Variants in DNM3 observed in about 807,000 individuals in gnomAD.
DNM3 encodes the protein dynamin-3.
DNM3 carries 47 observed loss-of-function variants against 101.6 expected under a neutral mutation model. That is an observed-to-expected ratio of 0.46 (90% CI 0.37 to 0.59). The LOEUF (loss-of-function observed/expected upper bound fraction) is 0.59, where lower values mean the gene tolerates loss of function less well. Ranked by LOEUF, DNM3 falls within the 20% of genes least tolerant of loss-of-function variation. The pLI is 0.00. For missense variants in DNM3, 849 were observed against 1,085.7 expected (o/e 0.78, Z 3.06); for synonymous variants, 385 against 387.9 (o/e 0.99, Z 0.09).
At chr1:171,981,075 T>C (rs1051772156) in intron 2 of DNM3, among the ~76,000 whole-genome samples, 1 of 152,166 alleles carries the variant, frequency 6.6e-6, no homozygotes, top group Admixed American at 6.5e-5. Context: ...CCTACAGATG[T>C]TCTTTACTCT....
intron 17 of DNM3, among the ~76,000 whole-genome samples, chr1:172,345,087 C>T (rs186153288): frequency 4.4e-4 from 67 of 152,284 alleles, no homozygotes; most frequent in East Asian, 1.7e-3. Context: ...TTTCTCTAAA[C>T]TGGCATTCTT....
intron 10 of DNM3, among the ~76,000 whole-genome samples, chr1:172,065,069 T>C (rs2051545825): frequency 1.3e-5 from 2 of 152,176 alleles, no homozygotes; most frequent in Non-Finnish European, 2.9e-5. Flanking sequence ...GGCCAGTAGA[T>C]TGGAGGCATT....
At chr1:172,113,858 T>G (rs2055693012) in intron 13 of DNM3, among the ~76,000 whole-genome samples, 1 of 152,134 alleles carries the variant, frequency 6.6e-6, no homozygotes, top group Non-Finnish European at 1.5e-5. Context: ...TGAGTGTCTT[T>G]TCTTCTTAAA....
intron 14 of DNM3, among the ~76,000 whole-genome samples, chr1:172,164,847 A>G (rs976809685): frequency 6.6e-6 from 1 of 152,008 alleles, no homozygotes; most frequent in South Asian, 2.1e-4. Context: ...CCTTTTTCCT[A>G]AGGGCATCAG....
intron 17 of DNM3, among the ~76,000 whole-genome samples, chr1:172,347,250 G>A (rs12094097): frequency 6.6e-6 from 1 of 151,892 alleles, no homozygotes; most frequent in Non-Finnish European, 1.5e-5. Flanking sequence ...TTCGACCCAG[G>A]CCTTAACTCC....
intron 17 of DNM3, among the ~76,000 whole-genome samples, chr1:172,372,725 C>A (rs1049716714): frequency 1.5e-4 from 20 of 135,492 alleles, no homozygotes; most frequent in Non-Finnish European, 2.6e-4. Context: ...GCTTTGTCAC[C>A]CAGGCTGAAG....
At chr1:171,890,550 A>G (rs1029074454) in intron 1 of DNM3, among the ~76,000 whole-genome samples, 1 of 152,200 alleles carries the variant, frequency 6.6e-6, no homozygotes, top group African/African-American at 2.4e-5. Flanking sequence ...AAGTATTCAT[A>G]TAAAGTTTTA....
At chr1:172,237,625 T>C (rs1040175982) in intron 14 of DNM3, among the ~76,000 whole-genome samples, 1 of 152,148 alleles carries the variant, frequency 6.6e-6, no homozygotes, top group Non-Finnish European at 1.5e-5. Flanking sequence ...TCCTCTTGGA[T>C]TCTGAATGGA....
At chr1:172,354,792 CA>C (rs1176492978) in intron 17 of DNM3, among the ~76,000 whole-genome samples, 3 of 152,038 alleles carry the variant, frequency 2.0e-5, no homozygotes, top group Non-Finnish European at 4.4e-5. Context: ...TCACTGCACA[CA>C]AGAGCTTTGG....
At chr1:172,108,032 C>A (rs1159646748) in intron 13 of DNM3, among the ~76,000 whole-genome samples, 1 of 151,892 alleles carries the variant, frequency 6.6e-6, no homozygotes, top group Non-Finnish European at 1.5e-5. Flanking sequence ...GGTCTCCATT[C>A]TCACTCAGGA....
At chr1:172,003,969 C>A (rs1442665844) in intron 4 of DNM3, among the ~76,000 whole-genome samples, 3 of 151,930 alleles carry the variant, frequency 2.0e-5, no homozygotes, top group African/African-American at 7.3e-5. Flanking sequence ...TGTGTAATTC[C>A]CAAAACCACT....
intron 18 of DNM3, chr1:172,381,123 A>C (rs1243967688): frequency 6.6e-6 from 1 of 151,862 alleles, no homozygotes; most frequent in Non-Finnish European, 1.5e-5. Flanking sequence ...ATGCAGGGGT[A>C]GTTTCCCTCA....
intron 1 of DNM3, among the ~76,000 whole-genome samples, chr1:171,902,172 C>T (rs12072170): frequency 8.5e-4 from 129 of 152,310 alleles, no homozygotes; most frequent in African/African-American, 3.0e-3. Flanking sequence ...AAATATTCCT[C>T]TTTTAATTCT....
chr1:172,392,293 A>G (rs2069587542), intron 20 of DNM3, among the ~76,000 whole-genome samples: 1 of 152,170 alleles, frequency 6.6e-6, no homozygotes, highest in Admixed American at 6.5e-5. Context: ...GTCATTGGTA[A>G]CTTGAGTATA....
chr1:172,041,356 A>G (rs2049372965), intron 7 of DNM3, among the ~76,000 whole-genome samples: 1 of 152,104 alleles, frequency 6.6e-6, no homozygotes. Context: ...CACCATGAGG[A>G]GAGACTTGGG....
chr1:172,042,027 TG>T lies in DNM3; in HGVS notation c.1012del (p.Val338TrpfsTer14). The T allele has an allele frequency of 3.1e-6, 5 of 1,598,804 alleles. No homozygotes were observed. The highest frequency in any genetic ancestry group is 4.3e-6 in the Non-Finnish European group (5 of 1,175,834). On this transcript the variant is annotated frameshift_variant, in exon 8 of 21. Transcript: ENST00000627582. LOFTEE classifies it high-confidence loss of function. ...ALLQMVQQFA[V>X]DFEKRIEGSG... ...ATTACAGGATGGTTCAGCAATTTGC[TG>T]TGGACTTTGAGAAGAGAATTGAAGG...
At chr1:172,121,776 C>T (rs1382632436) in intron 13 of DNM3, among the ~76,000 whole-genome samples, 22 of 152,130 alleles carry the variant, frequency 1.4e-4, no homozygotes, top group Non-Finnish European at 1.5e-5. Flanking sequence ...ACCAGGGAAA[C>T]AGAAAGTTAT....
At chr1:172,034,760 T>A (rs187133079) in intron 6 of DNM3, among the ~76,000 whole-genome samples, 1 of 152,076 alleles carries the variant, frequency 6.6e-6, no homozygotes, top group East Asian at 1.9e-4. Flanking sequence ...TGCTGGAAAA[T>A]GACATGACGT....
downstream of DNM3, among the ~76,000 whole-genome samples, chr1:172,416,797 C>T (rs1229522209): frequency 6.6e-6 from 1 of 152,106 alleles, no homozygotes; most frequent in African/African-American, 2.4e-5. Flanking sequence ...ATGAAAACAC[C>T]AGGGATACCC....
Sources: allele counts gnomAD v4.1 joint callset (sites outside exome capture counted in the v4.1 genomes callset), GRCh38; gene constraint gnomAD v4.1.1; transcripts MANE v1.5; gene names NCBI Gene and HGNC (gene_info 2026-07-23, HGNC 2026-07-21).